ANK2: variants seen among roughly 807,000 people sequenced by gnomAD.
ANK2 encodes the protein ankyrin 2.
In ANK2, 83 loss-of-function variants were observed where a neutral mutation model predicts 360.5. The observed-to-expected ratio is 0.23, with a 90% CI of 0.19 to 0.28. The LOEUF (loss-of-function observed/expected upper bound fraction) is 0.28, where lower values mean the gene tolerates loss of function less well. Among genes scored for constraint, ANK2 ranks in the 10% least tolerant of loss-of-function variants. The pLI is 1.00. For missense variants in ANK2, 4,201 were observed against 4,795.7 expected (o/e 0.88, Z 3.66); for synonymous variants, 1,740 against 1,759.5 (o/e 0.99, Z 0.28).
chr4:112,846,801 G>A (rs539056841), intron 1 of ANK2, among the ~76,000 whole-genome samples: 2 of 152,190 alleles, frequency 1.3e-5, no homozygotes, highest in South Asian at 2.1e-4. Context: ...TAGATGGGTC[G>A]TTTTGCCCAT....
chr4:112,744,058 G>A, the ANK2 span, among the ~76,000 whole-genome samples: 3 of 151,602 alleles, frequency 2.0e-5, no homozygotes, highest in Non-Finnish European at 4.4e-5. Context: ...GGCTGGTCTC[G>A]AATTCTGCCC....
At chr4:112,927,645 C>A (rs183890373) in intron 2 of ANK2, among the ~76,000 whole-genome samples, 248 of 152,242 alleles carry the variant, frequency 1.6e-3, no homozygotes, top group Non-Finnish European at 2.1e-3. Context: ...TCAGATTTGT[C>A]AAGAAAAATC....
chr4:113,071,380 T>G (rs2154340674), intron 1 of ANK2, among the ~76,000 whole-genome samples: 1 of 152,256 alleles, frequency 6.6e-6, no homozygotes, highest in African/African-American at 2.4e-5. Context: ...GCTACAGAAA[T>G]GCACAGTAGT....
At chr4:113,018,039 C>A (rs574685399) in intron 2 of ANK2, among the ~76,000 whole-genome samples, 2 of 152,194 alleles carry the variant, frequency 1.3e-5, no homozygotes, top group Non-Finnish European at 2.9e-5. Flanking sequence ...AATGGGAATT[C>A]ATCGCAATTT....
chr4:112,768,520 GT>G, the ANK2 span, among the ~76,000 whole-genome samples: 1 of 151,690 alleles, frequency 6.6e-6, no homozygotes, highest in Non-Finnish European at 1.5e-5. Context: ...TCCCAAAATG[GT>G]AGGACTACAG....
Position 113,358,555 on chromosome 4 carries a change from A to C in ANK2, c.9937A>C (p.Thr3313Pro), listed in dbSNP as rs2095973537. Reference protein sequence around the residue: ...KIPVRTMPTSTPAPPSAEYES... With the variant: ...KIPVRTMPTSPPAPPSAEYES... ...TCCTGTAAGGACTATGCCCACTTCC[A>C]CCCCAGCACCTCCATCTGCAGAGTA... is the stretch of plus-strand genomic sequence containing the variant. Residue 3313 changes from threonine (T) to proline (P), a missense_variant, in exon 38 of 46, where the codon ACC (threonine) becomes CCC (proline). By Grantham distance (38) the Thr-to-Pro change is conservative. This residue lies in a region of ANK2 where 2,642 missense variants were observed against 2,714.5 expected (regional missense o/e 0.97). Coordinates refer to ENST00000357077, the MANE Select transcript of ANK2 (RefSeq NM_001148.6). The C allele has an allele frequency of 6.2e-7, 1 of 1,613,992 alleles. No homozygotes were observed. The highest frequency in any genetic ancestry group is 8.5e-7 in the Non-Finnish European group (1 of 1,179,946).
In ANK2 at chr4:113,367,657, C is replaced by A. The variant is rs753907196; in HGVS notation, c.11124C>A (p.His3708Gln). The change falls in exon 42 of 46, where the codon CAC becomes CAA. Residue 3708 changes from histidine to glutamine, a missense_variant. By Grantham distance (24) the His-to-Gln change is conservative (BLOSUM62 0). Coordinates refer to ENST00000357077, the MANE Select transcript of ANK2 (RefSeq NM_001148.6). ...AVSKESETCD[H>Q]PPIVSEEDIS... ...CTAAAGAAAGTGAGACCTGCGATCA[C>A]CCTCCTATCGTCTCAGAGGAAGACA... is the stretch of plus-strand genomic sequence containing the variant. The A allele has an allele frequency of 1.2e-6, 2 of 1,613,906 alleles. No individual in the cohort carries two copies. Among genetic ancestry groups the A allele is most frequent in the Admixed American group, 3.3e-5 (2 of 59,992 alleles).
At position 113,214,563 on chromosome 4, in the gene ANK2, G is replaced by A. The variant is rs930589359; in HGVS notation, c.384+15454G>A. On this transcript the variant is annotated intron_variant, in intron 4 of 45. Coordinates refer to ENST00000357077, the MANE Select transcript of ANK2 (RefSeq NM_001148.6). Reference sequence around the variant, plus strand: ...ATAATATTCAATACCATGAATCACAGAATTGTTTTGTCATGGTATTTGACT... The same window carrying A: ...ATAATATTCAATACCATGAATCACAAAATTGTTTTGTCATGGTATTTGACT... 10 of 533,980 alleles carry A rather than the reference G, an allele frequency of 1.9e-5. 1 individual carries two copies. In the Admixed American group the frequency reaches 3.2e-4, roughly 17 times the overall value. The allele number at this position is 533,980 out of a possible 1,614,324, so 33.1% of individuals were successfully genotyped here.
the ANK2 span, among the ~76,000 whole-genome samples, chr4:112,793,908 C>G: frequency 6.6e-6 from 1 of 151,972 alleles, no homozygotes; most frequent in South Asian, 2.1e-4. Flanking sequence ...CCATGTTGTC[C>G]AGGATCTGGA....
chr4:112,736,471 A>C, the ANK2 span, among the ~76,000 whole-genome samples: 1 of 152,130 alleles, frequency 6.6e-6, no homozygotes, highest in Non-Finnish European at 1.5e-5. Flanking sequence ...TCTCAAAAAA[A>C]AAAAAAAAAA....
At chr4:113,188,437 A>G (rs11933707) in intron 2 of ANK2, among the ~76,000 whole-genome samples, 34,644 of 152,012 alleles carry the variant, frequency 0.23, 4,083 homozygotes, top group East Asian at 0.31. Flanking sequence ...TCTTAAGACA[A>G]CATTTCTTCT....
At chr4:112,873,333 A>C (rs1032452833) in intron 1 of ANK2, among the ~76,000 whole-genome samples, 7 of 151,670 alleles carry the variant, frequency 4.6e-5, no homozygotes, top group Non-Finnish European at 1.0e-4. Flanking sequence ...TTTTGTTTAT[A>C]AAATAGGCAT....
chr4:112,918,172 CTGAT>C (rs1363209389), intron 2 of ANK2, among the ~76,000 whole-genome samples: 1 of 152,090 alleles, frequency 6.6e-6, no homozygotes, highest in Non-Finnish European at 1.5e-5. Flanking sequence ...CACAGGCCAT[CTGAT>C]TGATTAGGGG....
intron 24 of ANK2, among the ~76,000 whole-genome samples, chr4:113,314,244 A>C (rs1241820783): frequency 6.6e-6 from 1 of 152,262 alleles, no homozygotes; most frequent in Non-Finnish European, 1.5e-5. Context: ...ATAATGAACC[A>C]CAGAAGCTTC....
intron 2 of ANK2, among the ~76,000 whole-genome samples, chr4:113,175,505 C>G (rs1419424943): frequency 6.6e-6 from 1 of 152,182 alleles, no homozygotes; most frequent in Non-Finnish European, 1.5e-5. Context: ...GCACTCCTCT[C>G]TTTGTTCACC....
the ANK2 span, among the ~76,000 whole-genome samples, chr4:112,783,577 G>A: frequency 6.6e-6 from 1 of 151,440 alleles, no homozygotes; most frequent in Non-Finnish European, 1.5e-5. Context: ...GCATTTTGGC[G>A]ATTTGCTTTT....
At chr4:113,044,772 C>T (rs1443597073), upstream of ANK2, among the ~76,000 whole-genome samples, 3 of 152,106 alleles carry the variant, frequency 2.0e-5, no homozygotes, top group Non-Finnish European at 2.9e-5. Flanking sequence ...AGTTTTTTCT[C>T]CTCTTATAAG....
chr4:112,806,930 G>A, the ANK2 span, among the ~76,000 whole-genome samples: 2 of 152,300 alleles, frequency 1.3e-5, no homozygotes, highest in African/African-American at 4.8e-5. Context: ...TCCATTTTTA[G>A]TCTTTTGAGG....
chr4:113,340,138 A>G (rs778877097), intron 32 of ANK2, among the ~76,000 whole-genome samples: 4 of 152,188 alleles, frequency 2.6e-5, no homozygotes, highest in Non-Finnish European at 4.4e-5. Flanking sequence ...TGTTTTGCCA[A>G]TTTAGCATCT....
Sources: allele counts gnomAD v4.1 joint callset (sites outside exome capture counted in the v4.1 genomes callset), GRCh38; gene constraint gnomAD v4.1.1; regional missense constraint gnomAD v4.1.1; transcripts MANE v1.5; gene names NCBI Gene and HGNC (gene_info 2026-07-23, HGNC 2026-07-21).